The following AP3B1 variants were observed in gnomAD, a reference collection of about 807,000 sequenced individuals.
The protein encoded by AP3B1 is AP-3 complex subunit beta-1.
AP3B1 carries 61 observed loss-of-function variants against 132.5 expected under a neutral mutation model. That is an observed-to-expected ratio of 0.46 (90% CI 0.37 to 0.57). The LOEUF (loss-of-function observed/expected upper bound fraction) is 0.57, where lower values mean the gene tolerates loss of function less well. Among genes scored for constraint, AP3B1 ranks in the 20% least tolerant of loss-of-function variants. AP3B1 has a pLI of 0.00. For synonymous variants in AP3B1, 388 were observed against 438.3 expected (o/e 0.89, Z 1.43); for missense variants, 1,120 against 1,289.4 (o/e 0.87, Z 2.01).
chr5:78,003,108 G>A (rs748174176), intron 26 of AP3B1, 53 bp from the exon 27 acceptor site: 134 of 1,572,888 alleles, frequency 8.5e-5, no homozygotes, highest in Non-Finnish European at 1.1e-4. Context: ...GGGTAAAGGA[G>A]ATAGCATACA....
chr5:78,001,886 C>T (rs191101537), downstream of AP3B1: 3 of 152,232 alleles, frequency 2.0e-5, no homozygotes, highest in Admixed American at 2.0e-4. Flanking sequence ...ACCTTGAAAA[C>T]AGTAACTTAA....
chr5:78,163,230 C>T (rs1014854817), intron 12 of AP3B1, among the ~76,000 whole-genome samples: 2 of 151,966 alleles, frequency 1.3e-5, no homozygotes, highest in African/African-American at 4.8e-5. Flanking sequence ...AGCAGTCACC[C>T]AAAGACAGCA....
chr5:78,047,174 G>A (rs1359149162), intron 22 of AP3B1, among the ~76,000 whole-genome samples: 1 of 152,180 alleles, frequency 6.6e-6, no homozygotes, highest in East Asian at 1.9e-4. Flanking sequence ...GTGCACATAT[G>A]TCTTTATAGT....
At chr5:78,136,207 G>C (rs1752903915) in intron 15 of AP3B1, among the ~76,000 whole-genome samples, 1 of 152,050 alleles carries the variant, frequency 6.6e-6, no homozygotes, top group Non-Finnish European at 1.5e-5. Context: ...ACAAAAGAAG[G>C]ATAACTAAAA....
At chr5:78,127,963 T>A (rs575240562) in intron 17 of AP3B1, 67 bp downstream of exon 17, 1 of 1,582,758 alleles carries the variant, frequency 6.3e-7, no homozygotes, top group African/African-American at 1.3e-5. Flanking sequence ...AGCTTTTATA[T>A]AAAACAATAG....
chr5:78,178,800 G>A (rs1198766067), intron 8 of AP3B1, among the ~76,000 whole-genome samples: 1 of 151,846 alleles, frequency 6.6e-6, no homozygotes, highest in Non-Finnish European at 1.5e-5. Flanking sequence ...AATTCTGCCT[G>A]GTCTATGAAG....
chr5:78,141,240 A>G lies in AP3B1; in HGVS notation c.1553T>C (p.Leu518Ser), dbSNP rs776561296. 6.2e-7 allele frequency: 1 copy of G among 1,613,860 alleles called. No individual in the cohort carries two copies. Among genetic ancestry groups the G allele is most frequent in the South Asian group, 1.1e-5 (1 of 91,078 alleles). The stretch of plus-strand genomic sequence containing the variant: ...AGTGAAGCTTTTAGCCATCTTCCTC[A>G]AAACATCAGGGGCAATTTTAGGAAC... ...ERVPKIAPDV[L>S]RKMAKSFTSE... Residue 518 changes from leucine (L) to serine (S), a missense_variant, in exon 15 of 27, where the codon TTG (leucine) becomes TCG (serine). Transcript: ENST00000255194.
At chr5:78,263,250 T>G (rs1748172337) in intron 2 of AP3B1, among the ~76,000 whole-genome samples, 1 of 152,190 alleles carries the variant, frequency 6.6e-6, no homozygotes. Flanking sequence ...CCTGAATATT[T>G]TATTCTTTTT....
chr5:78,279,200 G>A (rs1321822048), intron 1 of AP3B1, among the ~76,000 whole-genome samples: 6 of 152,110 alleles, frequency 3.9e-5, no homozygotes, highest in African/African-American at 1.4e-4. Flanking sequence ...ATGAATGGGA[G>A]TTATGAGATA....
intron 20 of AP3B1, chr5:78,101,393 A>C (rs1424127520): frequency 2.3e-6 from 1 of 436,246 alleles, no homozygotes; most frequent in Non-Finnish European, 4.5e-6. Context: ...GGTTTACTTA[A>C]GAAAAAGAAA....
chr5:78,160,634 A>G (rs1446621202), intron 13 of AP3B1, among the ~76,000 whole-genome samples: 1 of 152,112 alleles, frequency 6.6e-6, no homozygotes, highest in Non-Finnish European at 1.5e-5. Context: ...TTTCAATATA[A>G]AATCAAATAA....
chr5:78,182,728 A>G (rs1744421983), intron 7 of AP3B1, among the ~76,000 whole-genome samples: 1 of 152,098 alleles, frequency 6.6e-6, no homozygotes, highest in South Asian at 2.1e-4. Flanking sequence ...ACCAGATAAA[A>G]AATTATGGCC....
intron 15 of AP3B1, among the ~76,000 whole-genome samples, chr5:78,133,071 T>A (rs1440232543): frequency 2.0e-5 from 3 of 152,128 alleles, no homozygotes; most frequent in African/African-American, 7.2e-5. Flanking sequence ...ACCTCTAACT[T>A]CCCATGTTTT....
chr5:78,273,447 C>G (rs565464727), intron 1 of AP3B1, among the ~76,000 whole-genome samples: 3 of 152,220 alleles, frequency 2.0e-5, no homozygotes, highest in African/African-American at 7.2e-5. Flanking sequence ...CTTTTTCCCT[C>G]AGTACATTTC....
chr5:78,237,636 C>T (rs546850405), intron 3 of AP3B1, among the ~76,000 whole-genome samples: 25 of 152,162 alleles, frequency 1.6e-4, no homozygotes, highest in African/African-American at 5.1e-4. Flanking sequence ...GACAAAACCC[C>T]GGCTCTACTA....
intron 22 of AP3B1, among the ~76,000 whole-genome samples, chr5:78,041,418 G>A (rs542730097): frequency 1.3e-5 from 2 of 152,010 alleles, no homozygotes; most frequent in Admixed American, 6.5e-5. Flanking sequence ...AATTAGCTGG[G>A]TGTGGTGCAT....
intron 14 of AP3B1, among the ~76,000 whole-genome samples, chr5:78,154,632 T>C (rs546122049): frequency 2.0e-5 from 3 of 152,152 alleles, no homozygotes; most frequent in Non-Finnish European, 4.4e-5. Context: ...TGTGCTTCAT[T>C]CTTTTATATT....
chr5:78,003,192 C>T, intron 26 of AP3B1, 137 bp from the exon 27 acceptor site: 7 of 983,096 alleles, frequency 7.1e-6, no homozygotes, highest in Non-Finnish European at 1.0e-5. Context: ...GCCAAAAACC[C>T]AAAGCCAAGC....
intron 7 of AP3B1, among the ~76,000 whole-genome samples, chr5:78,200,233 G>A (rs563247045): frequency 6.6e-6 from 1 of 152,074 alleles, no homozygotes; most frequent in African/African-American, 2.4e-5. Flanking sequence ...CTGCCAAGCA[G>A]GGGGAGGGGG....
Sources: allele counts gnomAD v4.1 joint callset (sites outside exome capture counted in the v4.1 genomes callset), GRCh38; gene constraint gnomAD v4.1.1; transcripts MANE v1.5; gene names NCBI Gene and HGNC (gene_info 2026-07-23, HGNC 2026-07-21).